Variants in PRDM1 observed in about 807,000 individuals in gnomAD.
The protein encoded by PRDM1 is PR/SET domain 1.
A neutral mutation model predicts 62.8 loss-of-function variants in PRDM1; 13 were observed. That is an observed-to-expected ratio of 0.21 (90% CI 0.13 to 0.33). The LOEUF is 0.33. PRDM1 is among the 10% of genes least tolerant of loss of function. The pLI is 1.00. For synonymous variants in PRDM1, 396 were observed against 417.6 expected, an observed-to-expected ratio of 0.95 and a Z score of 0.63; for missense variants, 895 against 1,058.8, an observed-to-expected ratio of 0.85 and a Z score of 2.15.
In PRDM1 at chr6:106,107,563, C is replaced by G; in HGVS notation, c.*77C>G. ...GGGTGCCTGTAGGAAGTGGCTTGTA[C>G]ATAATCCCAGCTCTGCAAAGCTCTC... On this transcript the variant is annotated 3_prime_UTR_variant, in exon 7 of 7. Coordinates refer to ENST00000369096, the MANE Select transcript of PRDM1 (RefSeq NM_001198.4). The G allele has an allele frequency of 7.7e-7, 1 of 1,304,870 alleles. No homozygotes were observed. 80.8% of individuals were successfully genotyped at this position (1,304,870 alleles called of 1,614,324 possible).
chr6:105,999,861 TC>T (rs1268321896), intron 1 of PRDM1, among the ~76,000 whole-genome samples: 2 of 152,182 alleles, frequency 1.3e-5, no homozygotes, highest in African/African-American at 2.4e-5. Flanking sequence ...TCTATGTGTT[TC>T]TTTTTTTTTG....
intron 3 of PRDM1, chr6:106,098,206 C>G (rs997111910): frequency 9.1e-6 from 9 of 985,176 alleles, no homozygotes; most frequent in Middle Eastern, 1.0e-3. Flanking sequence ...AGTCGCAGAT[C>G]ACACTAGGTA....
chr6:106,011,959 T>TACAC (rs140962895), intron 1 of PRDM1, among the ~76,000 whole-genome samples: 7 of 121,718 alleles, frequency 5.8e-5, no homozygotes, highest in Non-Finnish European at 1.2e-4. Flanking sequence ...CACACCACAC[T>TACAC]ACACACACAC....
intron 1 of PRDM1, among the ~76,000 whole-genome samples, chr6:106,002,142 GTAGCATT>G (rs1307538398): frequency 2.0e-5 from 3 of 151,932 alleles, no homozygotes; most frequent in African/African-American, 7.2e-5. Context: ...GTTTTCTTAA[GTAGCATT>G]TGAATTGAGA....
At chr6:106,002,526 T>C (rs769941650) in intron 1 of PRDM1, among the ~76,000 whole-genome samples, 1 of 152,204 alleles carries the variant, frequency 6.6e-6, no homozygotes, top group Non-Finnish European at 1.5e-5. Context: ...ATATTAGAAA[T>C]GAATTTTAAT....
chr6:106,065,112 T>C (rs764875107), intron 1 of PRDM1, among the ~76,000 whole-genome samples: 3 of 152,128 alleles, frequency 2.0e-5, no homozygotes, highest in African/African-American at 7.2e-5. Flanking sequence ...GTGGCTTTAG[T>C]CTTTTTGTTG....
At position 106,034,164 on chromosome 6, in the gene PRDM1, TAA is replaced by T. The variant is rs542220495; in HGVS notation, c.-67+40527_-67+40528del. 3.9e-5 allele frequency among the ~76,000 whole-genome samples: 6 copies of T among 152,254 alleles called. 1 individual carries two copies. In the South Asian group the frequency reaches 1.2e-3, roughly 32 times the overall value. On this transcript the variant is annotated intron_variant, in intron 1 of 6. Transcript: ENST00000652320. ...CTCTTTTTTTCTTAGTTCATCTAGCTAAAGATTTGCCCCTTTTTTGGTTATCT... is the reference window on the plus strand; with the variant it reads ...CTCTTTTTTTCTTAGTTCATCTAGCTAGATTTGCCCCTTTTTTGGTTATCT...
intron 1 of PRDM1, among the ~76,000 whole-genome samples, chr6:106,003,771 T>G (rs887047192): frequency 6.6e-6 from 1 of 152,226 alleles, no homozygotes; most frequent in African/African-American, 2.4e-5. Flanking sequence ...ATAAAGAATC[T>G]GAAAGGAGCA....
chr6:106,045,857 A>G (rs1281648112), upstream of PRDM1: 1 of 152,214 alleles, frequency 6.6e-6, no homozygotes, highest in Non-Finnish European at 1.5e-5. Flanking sequence ...AACAAAACCA[A>G]TGCCTATGTT....
chr6:105,992,717 A>G (rs1050292315), upstream of PRDM1, among the ~76,000 whole-genome samples: 60 of 152,310 alleles, frequency 3.9e-4, no homozygotes, highest in African/African-American at 1.4e-3. Context: ...GTTACCACCT[A>G]AACGCCATGT....
chr6:106,035,029 G>T (rs71572287), intron 1 of PRDM1, among the ~76,000 whole-genome samples: 2 of 152,192 alleles, frequency 1.3e-5, no homozygotes, highest in Non-Finnish European at 2.9e-5. Context: ...TTATTGCATA[G>T]AATGTCCTGT....
rs1774617415 is a variant in PRDM1 at position 106,109,308 on chromosome 6, C to A, written c.*1822C>A. 1 of 231,170 alleles carries A rather than the reference C, an allele frequency of 4.3e-6. No individual in the cohort carries two copies. The highest frequency in any genetic ancestry group is 1.8e-4 in the South Asian group (1 of 5,502). The allele number at this position is 231,170 out of a possible 1,614,324, so 14.3% of individuals were successfully genotyped here. On this transcript the variant is annotated 3_prime_UTR_variant, in exon 7 of 7. Transcript: ENST00000369096. Reference sequence around the variant, plus strand: ...CTAAGACAGCTCTATTTTTTTTTTGCCACTTTATGATTATGTGGTCACACC... The same window carrying A: ...CTAAGACAGCTCTATTTTTTTTTTGACACTTTATGATTATGTGGTCACACC...
intron 1 of PRDM1, among the ~76,000 whole-genome samples, chr6:106,007,248 G>A (rs552735214): frequency 2.7e-4 from 41 of 151,880 alleles, no homozygotes; most frequent in African/African-American, 8.9e-4. Context: ...TGGCCAACAC[G>A]GTGAAACTCC....
chr6:106,039,237 TG>T (rs1398213995), intron 1 of PRDM1, among the ~76,000 whole-genome samples: 3 of 152,168 alleles, frequency 2.0e-5, no homozygotes, highest in East Asian at 1.9e-4. Context: ...ATTGGAGGAG[TG>T]GGGAGAGGCT....
At chr6:106,103,258 C>G (rs1203863925) in intron 4 of PRDM1, among the ~76,000 whole-genome samples, 1 of 152,112 alleles carries the variant, frequency 6.6e-6, no homozygotes, top group South Asian at 2.1e-4. Context: ...AAATTGGAAT[C>G]GAATCCCTCA....
chr6:106,032,843 A>G (rs984756119), intron 1 of PRDM1, among the ~76,000 whole-genome samples: 2 of 152,226 alleles, frequency 1.3e-5, no homozygotes, highest in African/African-American at 4.8e-5. Context: ...ATAGTTATCA[A>G]TTCTTGATTA....
At chr6:106,098,654 G>A (rs1281916339) in intron 3 of PRDM1, 1 of 1,342,512 alleles carries the variant, frequency 7.4e-7, no homozygotes, top group African/African-American at 1.5e-5. Context: ...TCGGGCTGCT[G>A]CCCGAGTGTT....
At chr6:105,995,442 A>G (rs1772337347) in intron 1 of PRDM1, among the ~76,000 whole-genome samples, 1 of 152,242 alleles carries the variant, frequency 6.6e-6, no homozygotes, top group African/African-American at 2.4e-5. Context: ...GGAGGAAACA[A>G]AAGGAAAAGG....
Position 106,106,269 on chromosome 6 carries a change from C to G in PRDM1, c.1774-102C>G. 1 of 1,484,234 alleles carries G rather than the reference C, an allele frequency of 6.7e-7. No homozygotes were observed. The highest frequency in any genetic ancestry group is 9.1e-7 in the Non-Finnish European group (1 of 1,094,324). 91.9% of individuals were successfully genotyped at this position (1,484,234 alleles called of 1,614,324 possible). A position where few individuals can be genotyped will look rare whatever the true frequency, so the allele number is the denominator to read the frequency against. On this transcript the variant is annotated intron_variant, in intron 5 of 6. Coordinates refer to ENST00000369096, the MANE Select transcript of PRDM1 (RefSeq NM_001198.4). This position sits in a 1 kb window ranked among gnomAD's most constrained non-coding sequence, Gnocchi z 4.4. Reference sequence around the variant, plus strand: ...TCTTCTTTTTAAGACTGTCTTGATGCTTTTCTTAAGATATTTGCATCAACA... The same window carrying G: ...TCTTCTTTTTAAGACTGTCTTGATGGTTTTCTTAAGATATTTGCATCAACA...
Sources: allele counts gnomAD v4.1 joint callset (sites outside exome capture counted in the v4.1 genomes callset), GRCh38; gene constraint gnomAD v4.1.1; non-coding constraint Gnocchi (gnomAD v3.1); transcripts MANE v1.5; gene names NCBI Gene and HGNC (gene_info 2026-07-23, HGNC 2026-07-21).